CBLC: variants seen among roughly 807,000 people sequenced by gnomAD.
The protein encoded by CBLC is E3 ubiquitin-protein ligase CBL-C.
CBLC carries 46 observed loss-of-function variants against 58.6 expected under a neutral mutation model. The observed-to-expected ratio is 0.79, with a 90% confidence interval of 0.62 to 1.00. The LOEUF is 1.00. CBLC is among the 50% of genes least tolerant of loss of function. The pLI is 0.00. For synonymous variants in CBLC, 271 were observed against 264.2 expected (o/e 1.03, Z -0.25); for missense variants, 655 against 625.8 (o/e 1.05, Z -0.50).
intron 9 of CBLC, among the ~76,000 whole-genome samples, chr19:44,798,813 C>T (rs986920375): frequency 2.0e-5 from 3 of 152,142 alleles, no homozygotes; most frequent in Non-Finnish European, 2.9e-5. Flanking sequence ...TCCTCTCCGC[C>T]GCCCAAAGAC....
At chr19:44,793,876 C>T (rs1968119834) in intron 8 of CBLC, among the ~76,000 whole-genome samples, 1 of 150,976 alleles carries the variant, frequency 6.6e-6, no homozygotes. Flanking sequence ...GACCTGGACT[C>T]CTGGGTCTGA....
intron 5 of CBLC, among the ~76,000 whole-genome samples, chr19:44,786,526 C>T (rs1479640245): frequency 1.4e-5 from 2 of 147,314 alleles, no homozygotes; most frequent in Admixed American, 6.8e-5. Flanking sequence ...ACCCTGGAGG[C>T]GGAGGTTGCA....
In CBLC at chr19:44,794,286, G is replaced by C; in HGVS notation, c.1362+5G>C. Reference sequence around the variant, plus strand: ...AGAAATGCCCAGCCGAAAGTGGTGAGTCAGGCGCTGGTCTGAGGTTGGGGG... The same window carrying C: ...AGAAATGCCCAGCCGAAAGTGGTGACTCAGGCGCTGGTCTGAGGTTGGGGG... On this transcript the variant is annotated splice_donor_5th_base_variant and intron_variant, in intron 9 of 10. Transcript: ENST00000647358. 2.5e-6 allele frequency: 4 copies of C among 1,612,728 alleles called. No homozygotes were observed. The highest frequency in any genetic ancestry group is 3.4e-6 in the Non-Finnish European group (4 of 1,179,416).
Position 44,777,978 on chromosome 19 carries a change from G to C in CBLC, c.47G>C (p.Arg16Pro). The C allele has an allele frequency of 6.2e-7, 1 of 1,606,284 alleles. No individual in the cohort carries two copies. The highest frequency in any genetic ancestry group is 8.5e-7 in the Non-Finnish European group (1 of 1,178,748). The stretch of plus-strand genomic sequence containing the variant: ...TGGGGGCGACAGTGGGAAGAGGCCC[G>C]CGCCCTGGGCCGGGCAGTCAGGATG... ...APWGRQWEEA[R>P]ALGRAVRMLQ... is the part of the protein sequence containing the mutation. The change falls in exon 1 of 11, where the codon CGC becomes CCC. Residue 16 changes from arginine (R) to proline (P), a missense_variant. Coordinates refer to ENST00000647358, the MANE Select transcript of CBLC (RefSeq NM_012116.4).
At chr19:44,781,721 G>A (rs140365836) in intron 3 of CBLC, among the ~76,000 whole-genome samples, 258 of 131,298 alleles carry the variant, frequency 2.0e-3, no homozygotes, top group Admixed American at 5.1e-3. Flanking sequence ...CTGGGGCCTG[G>A]ACTCCTGGGT....
intron 3 of CBLC, 56 bp downstream of exon 3, chr19:44,781,419 T>A: frequency 1.3e-6 from 2 of 1,537,818 alleles, no homozygotes; most frequent in Non-Finnish European, 1.8e-6. Context: ...AGTAGAGGGC[T>A]GAATCCTGGA....
intron 3 of CBLC, 101 bp from the exon 4 acceptor site, chr19:44,782,269 G>A (rs1447523501): frequency 1.3e-6 from 2 of 1,529,158 alleles, no homozygotes; most frequent in Non-Finnish European, 1.8e-6. Flanking sequence ...GGCCCACCAT[G>A]GGTGTGAAGG....
intron 5 of CBLC, among the ~76,000 whole-genome samples, chr19:44,788,495 T>G (rs914132130): frequency 6.7e-6 from 1 of 149,126 alleles, no homozygotes; most frequent in African/African-American, 2.5e-5. Flanking sequence ...TTTTTTTTTT[T>G]TTGAGACAGA....
intron 9 of CBLC, among the ~76,000 whole-genome samples, chr19:44,796,749 T>C (rs1368094779): frequency 6.6e-6 from 1 of 152,104 alleles, no homozygotes; most frequent in Admixed American, 6.6e-5. Flanking sequence ...CCCAGGATTT[T>C]TGGGACCCTG....
intron 1 of CBLC, among the ~76,000 whole-genome samples, chr19:44,779,223 C>A (rs1333336518): frequency 6.6e-6 from 1 of 152,186 alleles, no homozygotes; most frequent in East Asian, 1.9e-4. Flanking sequence ...AATCCCAGCT[C>A]TTTGGGAGGC....
At chr19:44,793,338 C>T (rs963111852) in intron 7 of CBLC, 136 bp from the exon 8 acceptor site, 2 of 967,280 alleles carry the variant, frequency 2.1e-6, no homozygotes, top group African/African-American at 3.4e-5. Context: ...CTCTCCACGA[C>T]TCTTCTCTCC....
intron 7 of CBLC, 126 bp from the exon 8 acceptor site, chr19:44,793,348 C>G: frequency 9.4e-7 from 1 of 1,063,234 alleles, no homozygotes; most frequent in East Asian, 2.8e-5. Flanking sequence ...CTCTTCTCTC[C>G]TTCCGTCTCC....
chr19:44,784,845 C>T (rs1001922501), intron 5 of CBLC, among the ~76,000 whole-genome samples: 71 of 148,300 alleles, frequency 4.8e-4, no homozygotes, highest in African/African-American at 1.7e-3. Flanking sequence ...AAATGACAGG[C>T]GTGAGCCACC....
In CBLC at chr19:44,799,613, T is replaced by A. The variant is rs562982002; in HGVS notation, c.1363-768T>A. 3.3e-5 allele frequency among the ~76,000 whole-genome samples: 5 copies of A among 152,092 alleles called. No homozygotes were observed. The South Asian group carries it at 8.3e-4, about 25-fold the overall frequency. Reference sequence around the variant, plus strand: ...TCCCAAAGTGCTGGGATTACGGGTGTGAGCCACCGCGCGTGGCCCCTGTTT... The same window carrying A: ...TCCCAAAGTGCTGGGATTACGGGTGAGAGCCACCGCGCGTGGCCCCTGTTT... On this transcript the variant is annotated intron_variant, in intron 9 of 10. Coordinates refer to ENST00000647358, the MANE Select transcript of CBLC (RefSeq NM_012116.4).
In CBLC at chr19:44,781,062, C is replaced by T. The variant is rs114493128; in HGVS notation, c.500+11C>T. On this transcript the variant is annotated intron_variant, in intron 2 of 10. Transcript: ENST00000647358. Reference sequence around the variant, plus strand: ...AAGTTGCGGAGCCCGGTGAGTAAGCCCTTGTCCTCAGCTCCCGGAGCCCCA... The same window carrying T: ...AAGTTGCGGAGCCCGGTGAGTAAGCTCTTGTCCTCAGCTCCCGGAGCCCCA... The T allele has an allele frequency of 8.7e-4, 1,400 of 1,608,836 alleles. 12 individuals carry two copies. In the African/African-American group the frequency reaches 0.017, roughly 19 times the overall value.
chr19:44,779,334 C>T (rs1331738640), intron 1 of CBLC, among the ~76,000 whole-genome samples: 2 of 152,090 alleles, frequency 1.3e-5, no homozygotes, highest in African/African-American at 2.4e-5. Context: ...ATTAGGCCCC[C>T]ATCACGGTTT....
intron 5 of CBLC, among the ~76,000 whole-genome samples, chr19:44,784,950 GTTTTTTTTTTTTTTTTTTTT>G (rs58171575): frequency 2.6e-4 from 9 of 34,356 alleles, no homozygotes; most frequent in Admixed American, 3.9e-4. Context: ...CTAGACAGGT[GTTTTTTTTTTTTTTTTTTTT>G]TTTTTTTTTT....
In CBLC at chr19:44,800,422, C is replaced by G; in HGVS notation, c.1404C>G (p.Pro468=). The change falls in exon 10 of 11, where the codon CCC becomes CCG. Residue 468 remains proline, a synonymous_variant. Transcript: ENST00000647358. ...ACTCCCCTCCAGCTGCGCTGGGACC[C>G]CAGGACCCTGCCCCGGCCTGAAGGC... is the stretch of plus-strand genomic sequence containing the variant. ...KGNSPPAALG[P]QDPAPA is the part of the protein sequence containing the mutation. 1 of 1,613,258 alleles carries G rather than the reference C, an allele frequency of 6.2e-7. No individual in the cohort carries two copies. Among genetic ancestry groups the G allele is most frequent in the Non-Finnish European group, 8.5e-7 (1 of 1,179,262 alleles).
intron 1 of CBLC, among the ~76,000 whole-genome samples, chr19:44,779,135 T>A (rs144101812): frequency 6.6e-6 from 1 of 152,328 alleles, no homozygotes; most frequent in Admixed American, 6.5e-5. Context: ...TATTCTCTGA[T>A]TCAAAGTTTT....
Sources: gnomAD v4.1 joint callset for allele counts (sites outside exome capture counted in the v4.1 genomes callset) on GRCh38, gnomAD v4.1.1 for gene constraint, MANE v1.5 for transcripts, NCBI Gene and HGNC (gene_info 2026-07-23, HGNC 2026-07-21) for gene names.